The following SIRPA variants were observed in gnomAD, a reference collection of about 807,000 sequenced individuals.
SIRPA encodes signal regulatory protein alpha, also known as tyrosine-protein phosphatase non-receptor type substrate 1.
Under a neutral mutation model 50.3 loss-of-function variants are expected in SIRPA, and 9 were observed. The observed-to-expected ratio is 0.18, with a 90% CI of 0.11 to 0.31. SIRPA has a LOEUF of 0.31. Ranked by LOEUF, SIRPA falls within the 10% of genes least tolerant of loss-of-function variation. The probability of loss-of-function intolerance (pLI) is 1.00; values close to 1 mark genes in which losing one functional copy is unlikely to be tolerated. For synonymous variants in SIRPA, 265 were observed against 284.1 expected (o/e 0.93, Z 0.68); for missense variants, 474 against 661.6 (o/e 0.72, Z 3.11).
In SIRPA at chr20:1,932,519, G is replaced by A. The variant is rs1358582330; in HGVS notation, c.1227-2196G>A. On this transcript the variant is annotated intron_variant, in intron 6 of 7. Coordinates refer to ENST00000358771, the MANE Select transcript of SIRPA (RefSeq NM_001040023.2). The surrounding 1 kb of genome is among the most constrained non-coding windows in gnomAD (Gnocchi z 6.0). Reference sequence around the variant, plus strand: ...AGCAGAGCAGAGGCAGGAGAGGGATGGAGCCTAGAGCAGTTGGCCGAGCTG... The same window carrying A: ...AGCAGAGCAGAGGCAGGAGAGGGATAGAGCCTAGAGCAGTTGGCCGAGCTG... 6.6e-6 allele frequency among the ~76,000 whole-genome samples: 1 copy of A among 152,216 alleles called. No homozygotes were observed. The highest frequency in any genetic ancestry group is 1.5e-5 in the Non-Finnish European group (1 of 68,036).
chr20:1,937,713 T>TC lies in SIRPA; in HGVS notation c.*149dup. 1.0e-6 allele frequency: 1 copy of TC among 988,680 alleles called. No homozygotes were observed. Among genetic ancestry groups the TC allele is most frequent in the East Asian group, 2.6e-5 (1 of 38,490 alleles). The allele number at this position is 988,680 out of a possible 1,614,324, so 61.2% of individuals were successfully genotyped here. A position where few individuals can be genotyped will look rare whatever the true frequency, so the allele number is the denominator to read the frequency against. ...CCCAGGGGCCAGGGTGGCTCTTCTC[T>TC]CCCCACCCCTCCTTGGCTCTCCAGC... On this transcript the variant is annotated 3_prime_UTR_variant, in exon 8 of 8. Transcript: ENST00000358771. This position sits in a 1 kb window ranked among gnomAD's most constrained non-coding sequence, Gnocchi z 8.3.
chr20:1,931,915 T>C (rs2038601929), intron 6 of SIRPA, among the ~76,000 whole-genome samples: 1 of 152,228 alleles, frequency 6.6e-6, no homozygotes, highest in South Asian at 2.1e-4. Context: ...ATTCTTGGAA[T>C]ATTTAGGGCT....
At chr20:1,931,037 G>C (rs1986273526) in intron 6 of SIRPA, among the ~76,000 whole-genome samples, 1 of 152,200 alleles carries the variant, frequency 6.6e-6, no homozygotes, top group Non-Finnish European at 1.5e-5. Context: ...ATGCCTTTAT[G>C]TGTATTAACC....
At chr20:1,905,070 G>A (rs535723498) in intron 1 of SIRPA, among the ~76,000 whole-genome samples, 21 of 152,212 alleles carry the variant, frequency 1.4e-4, no homozygotes, top group Admixed American at 4.6e-4. Flanking sequence ...ATTAAGAGCC[G>A]TGGAAAGTGC....
intron 1 of SIRPA, among the ~76,000 whole-genome samples, chr20:1,908,794 C>G (rs939202762): frequency 3.9e-5 from 6 of 152,210 alleles, no homozygotes; most frequent in Non-Finnish European, 8.8e-5. Context: ...ATTGCACAGC[C>G]CTGTACTATA....
chr20:1,902,559 A>G (rs1984282054), intron 1 of SIRPA, among the ~76,000 whole-genome samples: 1 of 152,214 alleles, frequency 6.6e-6, no homozygotes, highest in Admixed American at 6.5e-5. Flanking sequence ...AGACAAAAAC[A>G]CCTGCTCTCG....
At chr20:1,904,790 C>T (rs1160736733) in intron 1 of SIRPA, among the ~76,000 whole-genome samples, 1 of 152,184 alleles carries the variant, frequency 6.6e-6, no homozygotes, top group Non-Finnish European at 1.5e-5. Flanking sequence ...CGGCTCCTCT[C>T]TTGCAGGTCC....
chr20:1,906,082 T>A (rs1371888989), intron 1 of SIRPA, among the ~76,000 whole-genome samples: 1 of 152,224 alleles, frequency 6.6e-6, no homozygotes. Context: ...ATTGAGTACT[T>A]ACTCTGTGCC....
In SIRPA at chr20:1,937,755, C is replaced by T. The variant is rs111565548; in HGVS notation, c.*187C>T. The T allele has an allele frequency of 0.011, 7,880 of 701,434 alleles. 75 individuals are homozygous for T. The highest frequency in any genetic ancestry group is 0.058 in the Middle Eastern group (148 of 2,564). 43.5% of individuals were successfully genotyped at this position (701,434 alleles called of 1,614,324 possible). On this transcript the variant is annotated 3_prime_UTR_variant, in exon 8 of 8. Coordinates refer to ENST00000358771, the MANE Select transcript of SIRPA (RefSeq NM_001040023.2). This position sits in a 1 kb window ranked among gnomAD's most constrained non-coding sequence, Gnocchi z 8.3. ...CTCTCCAGCACTTCCTGGGCAGCCACGGCCCCCTCCCCCCACATTGCCACA... is the reference window on the plus strand; with the variant it reads ...CTCTCCAGCACTTCCTGGGCAGCCATGGCCCCCTCCCCCCACATTGCCACA...
At chr20:1,907,271 A>G (rs1215056134) in intron 1 of SIRPA, among the ~76,000 whole-genome samples, 2 of 152,316 alleles carry the variant, frequency 1.3e-5, no homozygotes, top group East Asian at 1.9e-4. Flanking sequence ...GGTGGCTTCA[A>G]TGCAGGTAGC....
chr20:1,901,436 G>T (rs953331160), intron 1 of SIRPA, among the ~76,000 whole-genome samples: 3 of 152,102 alleles, frequency 2.0e-5, no homozygotes, highest in African/African-American at 7.2e-5. Context: ...CTCCCAAAGT[G>T]CTGGGATTAC....
Position 1,924,510 on chromosome 20 carries a change from G to A in SIRPA, c.1088-254G>A, listed in dbSNP as rs915695789. On this transcript the variant is annotated intron_variant, in intron 4 of 7. Transcript: ENST00000358771. The surrounding 1 kb of genome is among the most constrained non-coding windows in gnomAD (Gnocchi z 4.5). ...TTTCTGCCTGTATCCTGCAGCAGGG[G>A]TTCCTCCGTAGCTGTCAGCTACAAA... Among the ~76,000 whole-genome samples, 1 of 152,196 alleles carries A rather than the reference G, an allele frequency of 6.6e-6. No homozygotes were observed. Among genetic ancestry groups the A allele is most frequent in the Non-Finnish European group, 1.5e-5 (1 of 68,030 alleles).
In SIRPA at chr20:1,924,416, G is replaced by T. The variant is rs1985851473; in HGVS notation, c.1088-348G>T. Among the ~76,000 whole-genome samples the T allele has an allele frequency of 6.6e-6, 1 of 152,162 alleles. No homozygotes were observed. The highest frequency in any genetic ancestry group is 2.1e-4 in the South Asian group (1 of 4,822). ...CTGATTCAGTTTCCAGTGGATCTGGGGTGCCCTCATGACCGCTCTGTGGTT... is the reference window on the plus strand; with the variant it reads ...CTGATTCAGTTTCCAGTGGATCTGGTGTGCCCTCATGACCGCTCTGTGGTT... On this transcript the variant is annotated intron_variant, in intron 4 of 7. Transcript: ENST00000358771. The surrounding 1 kb of genome is among the most constrained non-coding windows in gnomAD (Gnocchi z 4.5).
intron 1 of SIRPA, among the ~76,000 whole-genome samples, chr20:1,901,952 G>A (rs1368057986): frequency 2.0e-5 from 3 of 152,194 alleles, no homozygotes; most frequent in East Asian, 1.9e-4. Flanking sequence ...TCTTCAGGCC[G>A]ACCGTCGGTG....
At chr20:1,894,752 C>T (rs984438967), upstream of SIRPA, 61 of 148,376 alleles carry the variant, frequency 4.1e-4, no homozygotes, top group African/African-American at 1.4e-3. This position sits in a 1 kb window ranked among gnomAD's most constrained non-coding sequence, Gnocchi z 4.0. Context: ...GCAGCCCTCG[C>T]TCCCTCCCCC....
intron 1 of SIRPA, among the ~76,000 whole-genome samples, chr20:1,900,961 C>A (rs887824547): frequency 6.6e-6 from 1 of 152,122 alleles, no homozygotes; most frequent in Non-Finnish European, 1.5e-5. Flanking sequence ...GCAGCTTGCC[C>A]AAGGCCACAC....
intron 1 of SIRPA, among the ~76,000 whole-genome samples, chr20:1,910,080 G>C (rs991212736): frequency 6.6e-6 from 1 of 152,028 alleles, no homozygotes; most frequent in Non-Finnish European, 1.5e-5. Context: ...CTCTTGCCCA[G>C]GGGGGTTAGG....
rs543298445 is a variant in SIRPA at position 1,903,220 on chromosome 20, C to T, written c.79+7694C>T. ...GGAGTGAGCAGAGGTCAGGGCCAGA[C>T]CAGCAGGATCTGGCTCATTGAGCAC... On this transcript the variant is annotated intron_variant, in intron 1 of 7. Coordinates refer to ENST00000358771, the MANE Select transcript of SIRPA (RefSeq NM_001040023.2). Among the ~76,000 whole-genome samples the T allele has an allele frequency of 1.4e-4, 22 of 152,124 alleles. No individual in the cohort carries two copies. In the East Asian group the frequency reaches 4.1e-3, roughly 28 times the overall value.
rs990165244 is a variant in SIRPA, at chr20:1,928,720, C to T, written c.1226+821C>T. ...CCTGAAACTAGTGAGCTATGTTGGA[C>T]AGGAGCATGCTGGGCCAGAGAGGAG... On this transcript the variant is annotated intron_variant, in intron 6 of 7. Coordinates refer to ENST00000358771, the MANE Select transcript of SIRPA (RefSeq NM_001040023.2). The surrounding 1 kb of genome is among the most constrained non-coding windows in gnomAD (Gnocchi z 4.9). 2.0e-5 allele frequency among the ~76,000 whole-genome samples: 3 copies of T among 152,034 alleles called. No homozygotes were observed. Among genetic ancestry groups the T allele is most frequent in the African/African-American group, 7.3e-5 (3 of 41,378 alleles).
Sources: gnomAD v4.1 joint callset for allele counts (sites outside exome capture counted in the v4.1 genomes callset) on GRCh38, gnomAD v4.1.1 for gene constraint, Gnocchi (gnomAD v3.1) non-coding constraint, MANE v1.5 for transcripts, NCBI Gene and HGNC (gene_info 2026-07-23, HGNC 2026-07-21) for gene names.